The following TTC28 variants were observed in gnomAD, a reference collection of about 807,000 sequenced individuals.
TTC28 encodes tetratricopeptide repeat domain 28.
In TTC28, 61 loss-of-function variants were observed where a neutral mutation model predicts 198.0. The ratio of observed to expected loss-of-function variants is 0.31; its 90% CI spans 0.25 to 0.38. The LOEUF is 0.38. Ranked by LOEUF, TTC28 falls within the 10% of genes least tolerant of loss-of-function variation. TTC28 has a pLI of 1.00. For missense variants in TTC28, 2,678 were observed against 3,164.0 expected (o/e 0.85, Z 3.69); for synonymous variants, 1,171 against 1,297.8 (o/e 0.90, Z 2.10).
chr22:28,554,316 T>A (rs2049752614), intron 2 of TTC28, among the ~76,000 whole-genome samples: 1 of 150,408 alleles, frequency 6.6e-6, no homozygotes, highest in African/African-American at 2.5e-5. Context: ...CCTCCACTAT[T>A]GTCCTATGAC....
At chr22:28,194,407 A>G (rs113050219) in intron 5 of TTC28, among the ~76,000 whole-genome samples, 1 of 152,110 alleles carries the variant, frequency 6.6e-6, no homozygotes, top group South Asian at 2.1e-4. Context: ...TCAAAAGCTA[A>G]CAGAAGGCAA....
intron 1 of TTC28, among the ~76,000 whole-genome samples, chr22:28,675,735 T>TCACTCGCACACACACA (rs1555910098): frequency 6.4e-4 from 87 of 135,206 alleles, no homozygotes; most frequent in Admixed American, 2.1e-3. Context: ...TGAAACCCTG[T>TCACTCGCACACACACA]CACACACACA....
chr22:28,418,794 A>T (rs976457141), intron 2 of TTC28, among the ~76,000 whole-genome samples: 1 of 152,210 alleles, frequency 6.6e-6, no homozygotes, highest in Non-Finnish European at 1.5e-5. Context: ...TGAACACTGA[A>T]ATTTCAAGGA....
chr22:28,365,160 C>T (rs62237617), intron 2 of TTC28, among the ~76,000 whole-genome samples: 285 of 152,278 alleles, frequency 1.9e-3, no homozygotes, highest in Non-Finnish European at 2.3e-3. Flanking sequence ...AGACCCCTCA[C>T]CAGCAAAGGG....
chr22:28,339,591 C>T (rs543872825), intron 2 of TTC28, among the ~76,000 whole-genome samples: 38 of 152,290 alleles, frequency 2.5e-4, no homozygotes, highest in Admixed American at 5.2e-4. Context: ...TTGGCAATGG[C>T]GGGCGCCCCT....
chr22:28,132,018 G>A (rs1943069355), intron 6 of TTC28, among the ~76,000 whole-genome samples: 1 of 152,142 alleles, frequency 6.6e-6, no homozygotes, highest in East Asian at 1.9e-4. Flanking sequence ...GTAAGCCACA[G>A]GCAAACCATT....
intron 2 of TTC28, among the ~76,000 whole-genome samples, chr22:28,571,746 C>T (rs950559718): frequency 6.6e-6 from 1 of 151,250 alleles, no homozygotes; most frequent in African/African-American, 2.4e-5. Context: ...GTCAGGAGTT[C>T]GAGGCCAGCC....
intron 2 of TTC28, among the ~76,000 whole-genome samples, chr22:28,625,207 A>G (rs910895773): frequency 6.6e-6 from 1 of 152,202 alleles, no homozygotes; most frequent in African/African-American, 2.4e-5. Context: ...CCAGCGCAAT[A>G]GAGCAAAAAG....
chr22:28,661,414 CATTCATTT>C (rs1280225766), intron 1 of TTC28, among the ~76,000 whole-genome samples: 1 of 152,026 alleles, frequency 6.6e-6, no homozygotes, highest in East Asian at 1.9e-4. Context: ...AGCTTTATAA[CATTCATTT>C]ATTCATTTAT....
chr22:28,369,053 A>C (rs2046289731), intron 2 of TTC28, among the ~76,000 whole-genome samples: 1 of 152,152 alleles, frequency 6.6e-6, no homozygotes, highest in African/African-American at 2.4e-5. Context: ...CTAAAATACC[A>C]ATGGCATTCT....
At chr22:28,039,371 G>C (rs889089244) in intron 12 of TTC28, among the ~76,000 whole-genome samples, 1 of 152,034 alleles carries the variant, frequency 6.6e-6, no homozygotes, top group Non-Finnish European at 1.5e-5. Flanking sequence ...TCCTTTGTAG[G>C]GACATGGATG....
chr22:28,551,796 C>G (rs1333055335), intron 2 of TTC28, among the ~76,000 whole-genome samples: 1 of 152,182 alleles, frequency 6.6e-6, no homozygotes, highest in East Asian at 1.9e-4. Context: ...AACTTGAAAG[C>G]ATTCCCCCTG....
chr22:28,512,318 A>G (rs1380208792), intron 2 of TTC28, among the ~76,000 whole-genome samples: 1 of 152,220 alleles, frequency 6.6e-6, no homozygotes, highest in Non-Finnish European at 1.5e-5. Context: ...ACACTTTTAC[A>G]CTGTTGGTAG....
At chr22:28,574,346 C>T (rs1231453719) in intron 2 of TTC28, among the ~76,000 whole-genome samples, 5 of 151,578 alleles carry the variant, frequency 3.3e-5, no homozygotes, top group African/African-American at 4.9e-5. Context: ...GAATAGTACT[C>T]CACTGTTTGT....
At chr22:28,620,483 G>T (rs989877163) in intron 2 of TTC28, among the ~76,000 whole-genome samples, 1 of 152,180 alleles carries the variant, frequency 6.6e-6, no homozygotes, top group African/African-American at 2.4e-5. Context: ...TGTTGTACCA[G>T]ATCAGCTACA....
intron 2 of TTC28, among the ~76,000 whole-genome samples, chr22:28,530,118 A>G (rs2049099907): frequency 6.6e-6 from 1 of 152,186 alleles, no homozygotes; most frequent in Non-Finnish European, 1.5e-5. Context: ...CTCCGAGCTA[A>G]AGGAGGATGT....
intron 2 of TTC28, among the ~76,000 whole-genome samples, chr22:28,415,237 T>A (rs2047150007): frequency 6.6e-6 from 1 of 151,958 alleles, no homozygotes; most frequent in South Asian, 2.1e-4. Context: ...TATTATCAGA[T>A]AAATGGAATT....
intron 12 of TTC28, among the ~76,000 whole-genome samples, chr22:28,083,838 TAACA>T (rs775520039): frequency 3.0e-4 from 46 of 152,216 alleles, no homozygotes; most frequent in Non-Finnish European, 5.1e-4. Context: ...CCAATAGGCT[TAACA>T]AATGGCACAC....
chr22:28,307,236 C>T (rs969499997), intron 2 of TTC28, among the ~76,000 whole-genome samples: 1 of 152,052 alleles, frequency 6.6e-6, no homozygotes, highest in Non-Finnish European at 1.5e-5. Flanking sequence ...GGTTATTATC[C>T]TTTGTATTCT....
Sources: gnomAD v4.1 joint callset for allele counts (sites outside exome capture counted in the v4.1 genomes callset) on GRCh38, gnomAD v4.1.1 for gene constraint, MANE v1.5 for transcripts, NCBI Gene and HGNC (gene_info 2026-07-23, HGNC 2026-07-21) for gene names.